ATPAF2: variants seen among roughly 807,000 people sequenced by gnomAD.
ATPAF2 encodes the protein ATP synthase mitochondrial F1 complex assembly factor 2.
In ATPAF2, 30 loss-of-function variants were observed where a neutral mutation model predicts 36.6. That is an observed-to-expected ratio of 0.82 (90% CI 0.61 to 1.11). The LOEUF is 1.11. ATPAF2 is among the 50% of genes most tolerant of loss of function. The pLI, the probability that ATPAF2 is intolerant of heterozygous loss-of-function variation, is 0.00. For missense variants in ATPAF2, 321 were observed against 372.3 expected (o/e 0.86, Z 1.13); for synonymous variants, 140 against 152.6 (o/e 0.92, Z 0.61).
intron 3 of ATPAF2, chr17:18,027,838 C>A: frequency 3.4e-6 from 1 of 293,132 alleles, no homozygotes; most frequent in South Asian, 3.4e-5. Context: ...AGACATGGCT[C>A]CTGCCCTTCT....
chr17:18,021,418 T>C, intron 6 of ATPAF2, 180 bp from the exon 7 acceptor site: 1 of 675,892 alleles, frequency 1.5e-6, no homozygotes, highest in Non-Finnish European at 2.7e-6. Context: ...TCCTCTGCTC[T>C]TACCTAGTGA....
chr17:18,019,185 A>ACACACCC (rs1313379853), intron 7 of ATPAF2, among the ~76,000 whole-genome samples: 3 of 146,358 alleles, frequency 2.0e-5, no homozygotes, highest in African/African-American at 7.6e-5. Context: ...ACACACACAC[A>ACACACCC]CCCCACCACC....
intron 4 of ATPAF2, 136 bp from the exon 5 acceptor site, chr17:18,024,840 A>T: frequency 1.3e-6 from 1 of 747,948 alleles, no homozygotes; most frequent in Non-Finnish European, 2.3e-6. Context: ...TTTTCCCCTA[A>T]AGCAGTGGTT....
intron 6 of ATPAF2, 74 bp from the exon 7 acceptor site, chr17:18,021,312 G>T: frequency 8.8e-7 from 1 of 1,142,346 alleles, no homozygotes; most frequent in Non-Finnish European, 1.3e-6. Flanking sequence ...AGTCCCAGCA[G>T]CCCTAGCAGA....
intron 3 of ATPAF2, chr17:18,028,023 G>A (rs2044572732): frequency 1.6e-6 from 1 of 637,182 alleles, no homozygotes; most frequent in South Asian, 1.7e-5. Flanking sequence ...CAGCCATCCA[G>A]CACAGTGTTC....
chr17:18,021,945 C>T, intron 5 of ATPAF2, 88 bp from the exon 6 acceptor site: 2 of 1,170,006 alleles, frequency 1.7e-6, no homozygotes, highest in Admixed American at 1.7e-5. Flanking sequence ...GCCTAAGCTT[C>T]AGAGCATGTG....
At chr17:18,038,099 T>A (rs1032319864) in intron 1 of ATPAF2, among the ~76,000 whole-genome samples, 7 of 152,344 alleles carry the variant, frequency 4.6e-5, no homozygotes, top group Middle Eastern at 3.4e-3. Context: ...AGGTGGGCCT[T>A]TTTCTTCTTT....
intron 1 of ATPAF2, among the ~76,000 whole-genome samples, chr17:18,034,994 T>C (rs2044684911): frequency 6.6e-6 from 1 of 152,184 alleles, no homozygotes; most frequent in African/African-American, 2.4e-5. Context: ...CCCAGCACTC[T>C]GGAAGGCCGA....
downstream of ATPAF2, chr17:18,016,158 C>A: frequency 6.2e-7 from 1 of 1,613,970 alleles, no homozygotes; most frequent in Non-Finnish European, 8.5e-7. Flanking sequence ...GAGCTGGTGA[C>A]CAGAATCAAC....
chr17:18,029,879 TAAAA>T (rs771131818), intron 1 of ATPAF2, among the ~76,000 whole-genome samples: 10 of 53,238 alleles, frequency 1.9e-4, no homozygotes, highest in African/African-American at 5.3e-4. Context: ...CCTTTAACGC[TAAAA>T]AAAAAAAAAA....
chr17:18,036,194 A>G (rs952531785), intron 1 of ATPAF2, among the ~76,000 whole-genome samples: 2 of 152,196 alleles, frequency 1.3e-5, no homozygotes, highest in Non-Finnish European at 2.9e-5. Context: ...TGAAGTGTTC[A>G]TTGAGAAGAA....
intron 1 of ATPAF2, 106 bp downstream of exon 1, chr17:18,038,775 C>T (rs1567581310): frequency 1.3e-6 from 2 of 1,525,248 alleles, no homozygotes; most frequent in East Asian, 2.3e-5. Flanking sequence ...TGCATAACCT[C>T]ATGAGCCTGA....
At position 18,018,211 on chromosome 17, in the gene ATPAF2, C is replaced by G. The variant is rs774046106; in HGVS notation, c.*338G>C. The G allele has an allele frequency of 2.9e-5, 11 of 374,842 alleles. No homozygotes were observed. The East Asian group carries it at 5.0e-4, about 17-fold the overall frequency. The allele number at this position is 374,842 out of a possible 1,614,324, so 23.2% of individuals were successfully genotyped here. A position where few individuals can be genotyped will look rare whatever the true frequency, so the allele number is the denominator to read the frequency against. On this transcript the variant is annotated 3_prime_UTR_variant, in exon 8 of 8. Coordinates refer to ENST00000474627, the MANE Select transcript of ATPAF2 (RefSeq NM_145691.4). ...TTAACCCTCTGGAACCTAGACAAAA[C>G]AGGAAGAATGGAGAAGTGCAGAGGC...
chr17:18,015,861 C>A, downstream of ATPAF2: 3 of 575,784 alleles, frequency 5.2e-6, no homozygotes, highest in East Asian at 8.9e-5. Context: ...CCCCACAACA[C>A]CTGCCCTGTG....
rs928432805 is a variant in ATPAF2, at chr17:18,021,943, T to C, written c.504-86A>G. ...TTTGACTAGAAACAAAGGCCTAAGC[T>C]TCAGAGCATGTGTGTGCATTGGCCA... is the stretch of plus-strand genomic sequence containing the variant. On this transcript the variant is annotated intron_variant, in intron 5 of 7. Coordinates refer to ENST00000474627, the MANE Select transcript of ATPAF2 (RefSeq NM_145691.4). The C allele has an allele frequency of 2.2e-5, 26 of 1,180,814 alleles. No individual in the cohort carries two copies. In the African/African-American group the frequency reaches 3.9e-4, roughly 18 times the overall value. The allele number at this position is 1,180,814 out of a possible 1,614,324, so 73.1% of individuals were successfully genotyped here.
chr17:18,022,896 CG>C (rs1471835316), intron 5 of ATPAF2, among the ~76,000 whole-genome samples: 3 of 151,752 alleles, frequency 2.0e-5, no homozygotes, highest in Admixed American at 6.6e-5. Flanking sequence ...GAGGCCGAGG[CG>C]GGCGGATCAC....
At chr17:18,017,062 C>T (rs2044388071), downstream of ATPAF2, among the ~76,000 whole-genome samples, 1 of 151,018 alleles carries the variant, frequency 6.6e-6, no homozygotes. Flanking sequence ...ATCCCAGCTA[C>T]TCAGGAGGCT....
chr17:18,015,864 G>A, downstream of ATPAF2: 1 of 587,402 alleles, frequency 1.7e-6, no homozygotes. Flanking sequence ...CACAACACCT[G>A]CCCTGTGCAG....
chr17:18,018,593 A>G lies in ATPAF2; in HGVS notation c.826T>C (p.Cys276Arg). The G allele has an allele frequency of 1.2e-6, 2 of 1,614,008 alleles. No homozygotes were observed. The highest frequency in any genetic ancestry group is 1.7e-6 in the Non-Finnish European group (2 of 1,180,024). Residue 276 changes from cysteine (C) to arginine (R), a missense_variant, in exon 8 of 8, where the codon TGC becomes CGC. Physicochemically the swap from Cys to Arg is radical, Grantham distance 180. This residue lies in a region of ATPAF2 where 199 missense variants were observed against 220.6 expected (regional missense o/e 0.90). Coordinates refer to ENST00000474627, the MANE Select transcript of ATPAF2 (RefSeq NM_145691.4). Reference protein sequence around the residue: ...TAAGTLFIHLCSESTTVKHKL... With the variant: ...TAAGTLFIHLRSESTTVKHKL... ...TGCTTGACTGTGGTGCTCTCGGAGC[A>G]GAGATGGATGAAGAGGGTGCCGGCG...
Sources: gnomAD v4.1 joint callset for allele counts (sites outside exome capture counted in the v4.1 genomes callset) on GRCh38, gnomAD v4.1.1 for gene constraint, gnomAD v4.1.1 regional missense constraint, MANE v1.5 for transcripts, NCBI Gene and HGNC (gene_info 2026-07-23, HGNC 2026-07-21) for gene names.